OGFOD1: variants seen among roughly 807,000 people sequenced by gnomAD.
The protein encoded by OGFOD1 is prolyl 3-hydroxylase OGFOD1.
A neutral mutation model predicts 67.7 loss-of-function variants in OGFOD1; 54 were observed. That is an observed-to-expected ratio of 0.80 (90% CI 0.64 to 1.00). The LOEUF (loss-of-function observed/expected upper bound fraction) is 1.00. OGFOD1 is among the 50% of genes least tolerant of loss of function. The pLI, the probability that OGFOD1 is intolerant of heterozygous loss-of-function variation, is 0.00. For synonymous variants in OGFOD1, 221 were observed against 227.0 expected (o/e 0.97, Z 0.24); for missense variants, 606 against 646.7 (o/e 0.94, Z 0.68).
upstream of OGFOD1, chr16:56,451,526 C>T (rs866736950): frequency 6.8e-7 from 1 of 1,466,452 alleles, no homozygotes; most frequent in Middle Eastern, 1.8e-4. Flanking sequence ...CCGGGAAACA[C>T]GATAAAGGGG....
rs746735521 is a variant in OGFOD1 at position 56,470,576 on chromosome 16, T to C, written c.1070T>C (p.Leu357Pro). 35 of 1,614,046 alleles carry C rather than the reference T, an allele frequency of 2.2e-5. No homozygotes were observed. The highest frequency in any genetic ancestry group is 2.8e-5 in the Non-Finnish European group (33 of 1,180,018). The change falls in exon 10 of 13, where the codon CTC (leucine) becomes CCC (proline). Residue 357 changes from leucine to proline, a missense_variant. Leu to Pro is a moderately conservative substitution (Grantham distance 98). Transcript: ENST00000566157. ...CGCTCTGAGGCACTATTCTTGCTGCTCTCCAACTTCACAGGCCTGAAGCTT... is the reference window on the plus strand; with the variant it reads ...CGCTCTGAGGCACTATTCTTGCTGCCCTCCAACTTCACAGGCCTGAAGCTT... The part of the protein sequence containing the change: ...LFRSEALFLL[L>P]SNFTGLKLHF...
Position 56,470,739 on chromosome 16 carries a change from A to G in OGFOD1, c.1233A>G (p.Gln411=), listed in dbSNP as rs756015760. ...NNQMAISNNS[Q]QSNEQTDPEP... ...AGATGGCCATCAGCAACAACAGCCA[A>G]CAGAGCAATGAGCAGACAGACCCAG... Residue 411 remains glutamine, a synonymous_variant, in exon 10 of 13, where the codon CAA becomes CAG. Coordinates refer to ENST00000566157, the MANE Select transcript of OGFOD1 (RefSeq NM_018233.4). 1 of 1,613,580 alleles carries G rather than the reference A, an allele frequency of 6.2e-7. No individual in the cohort carries two copies. The highest frequency in any genetic ancestry group is 8.5e-7 in the Non-Finnish European group (1 of 1,179,860).
chr16:56,453,489 G>A, intron 2 of OGFOD1, 81 bp downstream of exon 2: 1 of 1,441,184 alleles, frequency 6.9e-7, no homozygotes, highest in Admixed American at 2.2e-5. Context: ...TTAGACTTGA[G>A]GTTTTAGGGT....
intron 1 of OGFOD1, among the ~76,000 whole-genome samples, chr16:56,452,721 G>A (rs1962382852): frequency 6.6e-6 from 1 of 152,204 alleles, no homozygotes; most frequent in Admixed American, 6.5e-5. Flanking sequence ...AGGTGGTGCT[G>A]ATGATTACAG....
intron 3 of OGFOD1, among the ~76,000 whole-genome samples, chr16:56,460,770 A>C (rs1399631822): frequency 6.6e-6 from 1 of 152,230 alleles, no homozygotes; most frequent in Non-Finnish European, 1.5e-5. Context: ...AATTTCAGTA[A>C]TGTGCATTTG....
At chr16:56,458,785 G>A (rs1962612440) in intron 3 of OGFOD1, 191 bp downstream of exon 3, 2 of 553,446 alleles carry the variant, frequency 3.6e-6, no homozygotes, top group Non-Finnish European at 6.5e-6. Flanking sequence ...ACAAACCTAA[G>A]TCTGTCTGAT....
chr16:56,462,596 C>T lies in OGFOD1; in HGVS notation c.410C>T (p.Ser137Leu), dbSNP rs1230085768. The change falls in exon 4 of 13, where the codon TCA (serine) becomes TTA (leucine). Residue 137 changes from serine to leucine, a missense_variant. Coordinates refer to ENST00000566157, the MANE Select transcript of OGFOD1 (RefSeq NM_018233.4). ...GATATTTCTAAAATTGACCTGGAAT[C>T]AACCATTGACATGTCCTGTGCTAAA... ...LSDISKIDLESTIDMSCAKYE... is the reference protein window; with the variant it reads ...LSDISKIDLELTIDMSCAKYE... 1 of 1,611,938 alleles carries T rather than the reference C, an allele frequency of 6.2e-7. No individual in the cohort carries two copies. The highest frequency in any genetic ancestry group is 8.5e-7 in the Non-Finnish European group (1 of 1,178,188).
Position 56,477,598 on chromosome 16 carries a change from G to A in OGFOD1, c.*1393G>A, listed in dbSNP as rs193021596. The A allele has an allele frequency of 6.6e-5, 10 of 152,262 alleles. No homozygotes were observed. The East Asian group carries it at 1.5e-3, about 23-fold the overall frequency. 9.4% of individuals were successfully genotyped at this position (152,262 alleles called of 1,614,324 possible). ...TAAAACCACATCAGAATGCCAAGAG[G>A]CTGTGCATCTTGTTAATTTTTTTCT... On this transcript the variant is annotated 3_prime_UTR_variant, in exon 13 of 13. Coordinates refer to ENST00000566157, the MANE Select transcript of OGFOD1 (RefSeq NM_018233.4).
At chr16:56,455,245 T>C (rs1363081415) in intron 2 of OGFOD1, among the ~76,000 whole-genome samples, 1 of 151,886 alleles carries the variant, frequency 6.6e-6, no homozygotes, top group Non-Finnish European at 1.5e-5. Flanking sequence ...CACGCCCCTA[T>C]AATCCCAGCT....
intron 2 of OGFOD1, among the ~76,000 whole-genome samples, chr16:56,456,410 C>CT (rs1485481151): frequency 6.6e-6 from 1 of 152,212 alleles, no homozygotes; most frequent in Non-Finnish European, 1.5e-5. Context: ...GTTTCTGACA[C>CT]TTAAGTTCAA....
chr16:56,462,586 G>C lies in OGFOD1; in HGVS notation c.400G>C (p.Asp134His), dbSNP rs762913518. ...RSWLSDISKIDLESTIDMSCA... is the reference protein window; with the variant it reads ...RSWLSDISKIHLESTIDMSCA... The stretch of plus-strand genomic sequence containing the variant: ...CTGGCTTTCTGATATTTCTAAAATT[G>C]ACCTGGAATCAACCATTGACATGTC... Residue 134 changes from aspartate to histidine, a missense_variant, in exon 4 of 13, where the codon GAC becomes CAC. Asp to His is a moderately conservative substitution (Grantham distance 81). Coordinates refer to ENST00000566157, the MANE Select transcript of OGFOD1 (RefSeq NM_018233.4). 4.3e-6 allele frequency: 7 copies of C among 1,613,066 alleles called. No individual in the cohort carries two copies. In the South Asian group the frequency reaches 6.6e-5, roughly 15 times the overall value.
At chr16:56,452,904 C>T (rs1362373272) in intron 1 of OGFOD1, among the ~76,000 whole-genome samples, 1 of 152,014 alleles carries the variant, frequency 6.6e-6, no homozygotes, top group African/African-American at 2.4e-5. Flanking sequence ...ACCAGTATTG[C>T]TACTCTCATT....
At chr16:56,458,444 C>A (rs1962600029) in intron 2 of OGFOD1, 104 bp from the exon 3 acceptor site, 2 of 1,011,744 alleles carry the variant, frequency 2.0e-6, no homozygotes, top group East Asian at 4.8e-5. Flanking sequence ...AGAGTCTGGG[C>A]TCTTAATGAC....
chr16:56,453,555 A>G, intron 2 of OGFOD1, 147 bp downstream of exon 2: 1 of 689,624 alleles, frequency 1.5e-6, no homozygotes, highest in Non-Finnish European at 2.4e-6. Flanking sequence ...CCTTCATTTA[A>G]CCAAGCTTAC....
chr16:56,451,626 G>A lies in OGFOD1; in HGVS notation c.14G>A (p.Arg5Gln), dbSNP rs779560426. The A allele has an allele frequency of 1.2e-6, 2 of 1,613,792 alleles. No homozygotes were observed. The highest frequency in any genetic ancestry group is 2.2e-5 in the South Asian group (2 of 91,078). Residue 5 changes from arginine to glutamine, a missense_variant, in exon 1 of 13, where the codon CGG becomes CAG. Transcript: ENST00000566157. MNGK[R>Q]PAEPGPARVG... ...CCTTGGGAAGAGATGAATGGGAAGCGGCCAGCGGAGCCCGGCCCAGCCCGG... is the reference window on the plus strand; with the variant it reads ...CCTTGGGAAGAGATGAATGGGAAGCAGCCAGCGGAGCCCGGCCCAGCCCGG...
Position 56,456,325 on chromosome 16 carries a change from T to C in OGFOD1, c.301-2223T>C, listed in dbSNP as rs142823244. Among the ~76,000 whole-genome samples the C allele has an allele frequency of 3.7e-3, 556 of 152,314 alleles. 3 individuals carry two copies. The highest frequency in any genetic ancestry group is 0.012 in the African/African-American group (517 of 41,574). On this transcript the variant is annotated intron_variant, in intron 2 of 12. Coordinates refer to ENST00000566157, the MANE Select transcript of OGFOD1 (RefSeq NM_018233.4). Reference sequence around the variant, plus strand: ...AATGATAGAGTATTCTGCATCCTAATGCTTGGCCTCCTTCCCTAGGTACAC... The same window carrying C: ...AATGATAGAGTATTCTGCATCCTAACGCTTGGCCTCCTTCCCTAGGTACAC...
chr16:56,454,084 A>C (rs1054005795), intron 2 of OGFOD1, among the ~76,000 whole-genome samples: 4 of 152,240 alleles, frequency 2.6e-5, no homozygotes, highest in Admixed American at 2.6e-4. Context: ...GTGGTGGCTC[A>C]TGCCTGTAAT....
chr16:56,459,407 C>T (rs1962638001), intron 3 of OGFOD1, among the ~76,000 whole-genome samples: 1 of 151,018 alleles, frequency 6.6e-6, no homozygotes, highest in African/African-American at 2.4e-5. Context: ...TACAAGATTA[C>T]TTATTGTAAT....
intron 1 of OGFOD1, among the ~76,000 whole-genome samples, chr16:56,452,957 A>G (rs532707578): frequency 2.0e-5 from 3 of 152,202 alleles, no homozygotes; most frequent in Non-Finnish European, 4.4e-5. Context: ...TTAAAAATCT[A>G]AAATACATTC....
Sources: gnomAD v4.1 joint callset for allele counts (sites outside exome capture counted in the v4.1 genomes callset) on GRCh38, gnomAD v4.1.1 for gene constraint, MANE v1.5 for transcripts, NCBI Gene and HGNC (gene_info 2026-07-23, HGNC 2026-07-21) for gene names.